The following ABCA1 variants were observed in gnomAD, a reference collection of about 807,000 sequenced individuals.
ABCA1 encodes the protein phospholipid-transporting ATPase ABCA1.
ABCA1 carries 133 observed loss-of-function variants against 262.5 expected under a neutral mutation model. The observed-to-expected ratio is 0.51, with a 90% CI of 0.44 to 0.59. The LOEUF (loss-of-function observed/expected upper bound fraction) is 0.59. Among genes scored for constraint, ABCA1 ranks in the 20% least tolerant of loss-of-function variants. The probability of loss-of-function intolerance (pLI) is 0.00; values close to 1 mark genes in which losing one functional copy is unlikely to be tolerated. For synonymous variants in ABCA1, 1,022 were observed against 1,043.5 expected (o/e 0.98, Z 0.40); for missense variants, 2,452 against 2,777.5 (o/e 0.88, Z 2.63).
intron 19 of ABCA1, among the ~76,000 whole-genome samples, chr9:104,822,122 G>T (rs1832414424): frequency 6.6e-6 from 1 of 152,114 alleles, no homozygotes; most frequent in Non-Finnish European, 1.5e-5. Context: ...CAAGCCAGCT[G>T]CCCAGCTTGA....
At chr9:104,801,550 TTG>T (rs1414332341) in intron 34 of ABCA1, among the ~76,000 whole-genome samples, 1 of 149,672 alleles carries the variant, frequency 6.7e-6, no homozygotes, top group African/African-American at 2.5e-5. Context: ...TGGATTTAAT[TTG>T]TTTTTTGAGA....
intron 1 of ABCA1, among the ~76,000 whole-genome samples, chr9:104,926,024 A>AAC (rs1048476704): frequency 1.3e-5 from 2 of 151,908 alleles, no homozygotes; most frequent in African/African-American, 4.8e-5. Flanking sequence ...GTTAAAAAAA[A>AAC]AAGAAAAAAA....
At chr9:104,852,832 G>T (rs1835491369) in intron 7 of ABCA1, among the ~76,000 whole-genome samples, 1 of 152,150 alleles carries the variant, frequency 6.6e-6, no homozygotes, top group South Asian at 2.1e-4. Flanking sequence ...CCAGACAGGA[G>T]AACACGAGCA....
At chr9:104,842,005 G>C (rs367592046) in intron 8 of ABCA1, among the ~76,000 whole-genome samples, 1 of 152,216 alleles carries the variant, frequency 6.6e-6, no homozygotes, top group East Asian at 1.9e-4. Flanking sequence ...CAGAGGGGAG[G>C]GGAAGGGCCA....
chr9:104,858,006 C>T (rs530785001), intron 7 of ABCA1, among the ~76,000 whole-genome samples: 14 of 152,270 alleles, frequency 9.2e-5, no homozygotes, highest in Middle Eastern at 3.4e-3. Flanking sequence ...GATTCCTAGG[C>T]TGAAAAAACT....
At chr9:104,915,190 C>T (rs1364771098) in intron 1 of ABCA1, among the ~76,000 whole-genome samples, 1 of 152,238 alleles carries the variant, frequency 6.6e-6, no homozygotes, top group Non-Finnish European at 1.5e-5. Context: ...AGTTCTAGTT[C>T]ATACAGTATC....
intron 1 of ABCA1, among the ~76,000 whole-genome samples, chr9:104,920,381 G>A (rs1385167510): frequency 6.6e-6 from 1 of 152,124 alleles, no homozygotes; most frequent in Non-Finnish European, 1.5e-5. Flanking sequence ...ATATGAATTG[G>A]TGATCTAGAA....
chr9:104,881,309 T>C (rs139025219), intron 5 of ABCA1, among the ~76,000 whole-genome samples: 4,017 of 152,282 alleles, frequency 0.026, 98 homozygotes, highest in African/African-American at 0.057. Flanking sequence ...TGCTCAGAAA[T>C]GCATCACTGT....
At chr9:104,795,679 A>G (rs1000193534) in intron 39 of ABCA1, among the ~76,000 whole-genome samples, 2 of 152,236 alleles carry the variant, frequency 1.3e-5, no homozygotes, top group African/African-American at 4.8e-5. Context: ...TCAAGGCTAA[A>G]GGCATTGATC....
intron 10 of ABCA1, 73 bp from the exon 11 acceptor site, chr9:104,837,169 C>G: frequency 7.7e-7 from 1 of 1,298,192 alleles, no homozygotes; most frequent in East Asian, 2.3e-5. Context: ...TTGGCTCCTC[C>G]CTGAAAAGAT....
chr9:104,842,616 G>C (rs574603821), intron 8 of ABCA1, among the ~76,000 whole-genome samples: 1 of 152,264 alleles, frequency 6.6e-6, no homozygotes, highest in Non-Finnish European at 1.5e-5. Context: ...CTGACTCTCA[G>C]GGAGGGATGG....
intron 2 of ABCA1, among the ~76,000 whole-genome samples, chr9:104,901,662 C>G (rs1840676846): frequency 1.3e-5 from 2 of 152,116 alleles, no homozygotes; most frequent in African/African-American, 4.8e-5. Flanking sequence ...CTTCAATATT[C>G]TCAGATGGAG....
chr9:104,826,035 T>G, intron 16 of ABCA1, 148 bp from the exon 17 acceptor site: 2 of 775,200 alleles, frequency 2.6e-6, no homozygotes, highest in Non-Finnish European at 4.4e-6. Context: ...ATAGAGTCCC[T>G]TTAGGGGAGT....
chr9:104,875,842 G>A (rs552906683), intron 5 of ABCA1, among the ~76,000 whole-genome samples: 38 of 152,218 alleles, frequency 2.5e-4, no homozygotes, highest in Admixed American at 1.2e-3. Context: ...CACAGGGACC[G>A]CGGTGTGTAT....
Position 104,903,458 on chromosome 9 carries a change from G to A in ABCA1, c.66+156C>T, listed in dbSNP as rs2575876. 0.24 allele frequency among the ~76,000 whole-genome samples: 36,142 copies of A among 152,056 alleles called. 4,429 individuals are homozygous for A. The highest frequency in any genetic ancestry group is 0.36 in the South Asian group (1,733 of 4,828). On this transcript the variant is annotated intron_variant, in intron 2 of 49. Transcript: ENST00000374736. Reference sequence around the variant, plus strand: ...CTATGATAAGCCACATGCCATATCCGGACCACACAGTCCTGTGTCCATAAG... The same window carrying A: ...CTATGATAAGCCACATGCCATATCCAGACCACACAGTCCTGTGTCCATAAG...
Position 104,784,357 on chromosome 9 carries a change from T to C in ABCA1, c.6744A>G (p.Thr2248=), listed in dbSNP as rs746020160. The C allele has an allele frequency of 1.5e-5, 25 of 1,614,000 alleles. No homozygotes were observed. In the East Asian group the frequency reaches 4.7e-4, roughly 30 times the overall value. Residue 2248 remains threonine, a synonymous_variant, in exon 50 of 50, where the codon ACA becomes ACG. Transcript: ENST00000374736. ...NQTVVDVAVL[T]SFLQDEKVKE... Reference sequence around the variant, plus strand: ...TCACTTTCTCATCCTGTAGAAAAGATGTGAGAACTGCAACGTCCACTACTG... The same window carrying C: ...TCACTTTCTCATCCTGTAGAAAAGACGTGAGAACTGCAACGTCCACTACTG...
chr9:104,876,573 T>C (rs781407162), intron 5 of ABCA1, among the ~76,000 whole-genome samples: 3 of 152,206 alleles, frequency 2.0e-5, no homozygotes, highest in Non-Finnish European at 2.9e-5. Context: ...GGAAGCAGGC[T>C]AATGAACCCA....
chr9:104,786,448 C>T, intron 47 of ABCA1, 58 bp from the exon 48 acceptor site: 1 of 1,447,810 alleles, frequency 6.9e-7, no homozygotes, highest in Non-Finnish European at 9.7e-7. Flanking sequence ...ACCATGAGAA[C>T]ATCACCATGA....
intron 3 of ABCA1, 150 bp from the exon 4 acceptor site, chr9:104,884,718 C>T: frequency 1.0e-6 from 1 of 957,742 alleles, no homozygotes; most frequent in Non-Finnish European, 1.6e-6. Context: ...AAAACTGACT[C>T]TCAGGTGGAA....
Sources: allele counts gnomAD v4.1 joint callset (sites outside exome capture counted in the v4.1 genomes callset), GRCh38; gene constraint gnomAD v4.1.1; transcripts MANE v1.5; gene names NCBI Gene and HGNC (gene_info 2026-07-23, HGNC 2026-07-21).